ANKS1B: variants seen among roughly 807,000 people sequenced by gnomAD.
ANKS1B encodes ankyrin repeat and sterile alpha motif domain containing 1B.
A neutral mutation model predicts 148.3 loss-of-function variants in ANKS1B; 36 were observed. That is an observed-to-expected ratio of 0.24 (90% CI 0.19 to 0.32). The LOEUF (loss-of-function observed/expected upper bound fraction) is 0.32, where lower values mean the gene tolerates loss of function less well. ANKS1B is among the 10% of genes least tolerant of loss of function. The pLI, the probability that ANKS1B is intolerant of heterozygous loss-of-function variation, is 1.00. For missense variants in ANKS1B, 1,157 were observed against 1,542.6 expected, an observed-to-expected ratio of 0.75 and a Z score of 4.19; for synonymous variants, 542 against 560.8, an observed-to-expected ratio of 0.97 and a Z score of 0.47.
intron 10 of ANKS1B, among the ~76,000 whole-genome samples, chr12:99,478,905 A>C (rs539617260): frequency 6.6e-6 from 1 of 152,172 alleles, no homozygotes; most frequent in South Asian, 2.1e-4. Flanking sequence ...TGTAACTTTA[A>C]ATTTTCTAAT....
intron 9 of ANKS1B, among the ~76,000 whole-genome samples, chr12:99,589,276 G>A (rs2097676166): frequency 6.6e-6 from 1 of 152,182 alleles, no homozygotes; most frequent in African/African-American, 2.4e-5. Flanking sequence ...ACTACTTTGA[G>A]TCAAGATATG....
chr12:99,055,491 C>G (rs2099969020), intron 16 of ANKS1B, among the ~76,000 whole-genome samples: 2 of 152,166 alleles, frequency 1.3e-5, no homozygotes, highest in Non-Finnish European at 1.5e-5. Context: ...TACCCCCAAG[C>G]ACTTACACAA....
At chr12:99,641,869 T>C (rs1222459398) in intron 9 of ANKS1B, among the ~76,000 whole-genome samples, 3 of 152,158 alleles carry the variant, frequency 2.0e-5, no homozygotes, top group African/African-American at 7.2e-5. Context: ...ATTTTTTTAA[T>C]TTTATATCAA....
intron 16 of ANKS1B, among the ~76,000 whole-genome samples, chr12:99,073,474 A>G (rs1163750513): frequency 6.6e-6 from 1 of 152,208 alleles, no homozygotes; most frequent in Non-Finnish European, 1.5e-5. Context: ...ACTTATTGAA[A>G]CAGCACAGTA....
intron 15 of ANKS1B, among the ~76,000 whole-genome samples, chr12:99,131,565 A>G (rs547020322): frequency 2.6e-5 from 4 of 152,298 alleles, no homozygotes; most frequent in Non-Finnish European, 5.9e-5. Flanking sequence ...CCGTTCCTGT[A>G]AAGTTATTTT....
chr12:99,551,694 C>G (rs1396823684), intron 9 of ANKS1B, among the ~76,000 whole-genome samples: 2 of 152,058 alleles, frequency 1.3e-5, no homozygotes, highest in Non-Finnish European at 2.9e-5. Context: ...AGAAGGCAGA[C>G]ATTTCTCTTC....
chr12:99,120,856 C>CTGGGCAT (rs2062615659), intron 15 of ANKS1B, among the ~76,000 whole-genome samples: 1 of 152,066 alleles, frequency 6.6e-6, no homozygotes, highest in Non-Finnish European at 1.5e-5. Context: ...TTGAAATTAT[C>CTGGGCAT]TGGGCATTGG....
At chr12:99,350,835 A>T (rs1395789071) in intron 12 of ANKS1B, among the ~76,000 whole-genome samples, 3 of 152,066 alleles carry the variant, frequency 2.0e-5, no homozygotes, top group Non-Finnish European at 2.9e-5. Flanking sequence ...AAATGATTGG[A>T]TCACATCCAC....
chr12:99,505,934 T>G (rs1248405258), intron 9 of ANKS1B, among the ~76,000 whole-genome samples: 1 of 152,060 alleles, frequency 6.6e-6, no homozygotes, highest in African/African-American at 2.4e-5. Flanking sequence ...CATTAGCGTA[T>G]AGTTGGGCAA....
intron 9 of ANKS1B, among the ~76,000 whole-genome samples, chr12:99,631,726 CAT>C (rs1295288560): frequency 6.6e-6 from 1 of 152,114 alleles, no homozygotes; most frequent in Non-Finnish European, 1.5e-5. Flanking sequence ...CTAAGTAAAA[CAT>C]AAAAGTTGCT....
chr12:99,321,405 C>T (rs532957467), intron 12 of ANKS1B, among the ~76,000 whole-genome samples: 31 of 152,328 alleles, frequency 2.0e-4, no homozygotes, highest in East Asian at 5.8e-4. Context: ...TCGGCAATGG[C>T]GGACGCCCCT....
At chr12:99,704,571 T>TAC (rs57979625) in intron 8 of ANKS1B, among the ~76,000 whole-genome samples, 95 of 150,960 alleles carry the variant, frequency 6.3e-4, no homozygotes, top group East Asian at 1.6e-3. Flanking sequence ...CACATACATA[T>TAC]ACACACACAC....
chr12:99,680,083 C>T (rs540998278), intron 8 of ANKS1B, among the ~76,000 whole-genome samples: 16 of 152,272 alleles, frequency 1.1e-4, no homozygotes, highest in East Asian at 7.7e-4. Context: ...ATCCAGACCA[C>T]GGGAGAAGGA....
intron 17 of ANKS1B, among the ~76,000 whole-genome samples, chr12:98,872,408 G>A (rs569130380): frequency 5.9e-5 from 9 of 152,112 alleles, no homozygotes; most frequent in East Asian, 5.8e-4. Flanking sequence ...GCATGGTGGC[G>A]TGTGCCTGTA....
intron 12 of ANKS1B, among the ~76,000 whole-genome samples, chr12:99,328,728 A>C (rs1268957665): frequency 6.6e-6 from 1 of 152,006 alleles, no homozygotes; most frequent in Admixed American, 6.6e-5. Context: ...CAAAAATTAC[A>C]AGCATGAAAA....
intron 17 of ANKS1B, among the ~76,000 whole-genome samples, chr12:98,847,084 C>G (rs2099482116): frequency 6.6e-6 from 1 of 152,150 alleles, no homozygotes. Flanking sequence ...CCTCCAGCTC[C>G]TTTCATTATT....
intron 14 of ANKS1B, among the ~76,000 whole-genome samples, chr12:99,203,522 C>T (rs2082306209): frequency 1.3e-5 from 2 of 150,502 alleles, no homozygotes; most frequent in Admixed American, 6.6e-5. Flanking sequence ...GTGATCTTGG[C>T]TCACTGCAAG....
At chr12:99,499,693 C>T (rs942016892) in intron 10 of ANKS1B, among the ~76,000 whole-genome samples, 1 of 151,944 alleles carries the variant, frequency 6.6e-6, no homozygotes, top group Non-Finnish European at 1.5e-5. Context: ...AGAATAAAAC[C>T]TCCAGACCCC....
intron 15 of ANKS1B, among the ~76,000 whole-genome samples, chr12:99,147,036 C>T (rs1407082710): frequency 6.6e-6 from 1 of 152,130 alleles, no homozygotes; most frequent in East Asian, 1.9e-4. Flanking sequence ...GACCATGTGG[C>T]TTGCAAAGCC....
Sources: gnomAD v4.1 joint callset for allele counts (sites outside exome capture counted in the v4.1 genomes callset) on GRCh38, gnomAD v4.1.1 for gene constraint, MANE v1.5 for transcripts, NCBI Gene and HGNC (gene_info 2026-07-23, HGNC 2026-07-21) for gene names.